Variants in PTPRT observed in about 807,000 individuals in gnomAD.
The protein encoded by PTPRT is receptor-type tyrosine-protein phosphatase T.
A neutral mutation model predicts 176.8 loss-of-function variants in PTPRT; 56 were observed. The observed-to-expected ratio is 0.32, with a 90% CI of 0.26 to 0.40. PTPRT has a LOEUF of 0.40. Among genes scored for constraint, PTPRT ranks in the 10% least tolerant of loss-of-function variants. The pLI is 1.00. For missense variants in PTPRT, 1,540 were observed against 1,908.2 expected, an observed-to-expected ratio of 0.81 and a Z score of 3.60; for synonymous variants, 783 against 739.0, an observed-to-expected ratio of 1.06 and a Z score of -0.96.
At chr20:42,291,447 T>C (rs1360046807) in intron 12 of PTPRT, among the ~76,000 whole-genome samples, 1 of 152,142 alleles carries the variant, frequency 6.6e-6, no homozygotes, top group African/African-American at 2.4e-5. Flanking sequence ...TGTATTTACT[T>C]GGTGAAAAAT....
At chr20:42,167,022 G>T (rs1438532497) in intron 16 of PTPRT, among the ~76,000 whole-genome samples, 1 of 152,120 alleles carries the variant, frequency 6.6e-6, no homozygotes, top group East Asian at 1.9e-4. Context: ...ATAGAATGGG[G>T]TTTGGATCAT....
At chr20:42,795,304 TA>T (rs1208736808) in intron 2 of PTPRT, among the ~76,000 whole-genome samples, 1 of 152,168 alleles carries the variant, frequency 6.6e-6, no homozygotes, top group Non-Finnish European at 1.5e-5. Context: ...TGGCTGGCCA[TA>T]AATTTTGCAT....
chr20:42,803,162 C>T (rs1464145306), intron 2 of PTPRT, among the ~76,000 whole-genome samples: 5 of 152,242 alleles, frequency 3.3e-5, no homozygotes, highest in Non-Finnish European at 7.3e-5. Context: ...AGCCATGGAA[C>T]ATCTCCATGC....
intron 1 of PTPRT, among the ~76,000 whole-genome samples, chr20:43,124,689 C>T (rs562041167): frequency 3.9e-5 from 6 of 152,354 alleles, no homozygotes; most frequent in African/African-American, 1.2e-4. Flanking sequence ...TGAGTGCCTA[C>T]TATGTGCCAG....
chr20:42,958,634 A>G (rs472851), intron 1 of PTPRT, among the ~76,000 whole-genome samples: 16,184 of 151,956 alleles, frequency 0.11, 1,918 homozygotes, highest in African/African-American at 0.29. Context: ...TCCCCTCCAC[A>G]TTGTCCCCTG....
At chr20:42,237,654 C>T (rs1427174159) in intron 14 of PTPRT, among the ~76,000 whole-genome samples, 3 of 152,182 alleles carry the variant, frequency 2.0e-5, no homozygotes, top group Admixed American at 6.5e-5. Flanking sequence ...AATCTCTTTC[C>T]AATGTTCCTA....
chr20:43,068,355 A>G (rs2011139094), intron 1 of PTPRT, among the ~76,000 whole-genome samples: 1 of 151,434 alleles, frequency 6.6e-6, no homozygotes, highest in South Asian at 2.1e-4. Context: ...ACACTAAAAA[A>G]TTAGCCGGGC....
chr20:42,247,294 G>C (rs2056469163), intron 14 of PTPRT, among the ~76,000 whole-genome samples: 1 of 152,208 alleles, frequency 6.6e-6, no homozygotes, highest in Non-Finnish European at 1.5e-5. Flanking sequence ...AGAACCAGGA[G>C]AAAGAGAGAG....
At chr20:42,984,550 C>T (rs916540579) in intron 1 of PTPRT, among the ~76,000 whole-genome samples, 1 of 152,220 alleles carries the variant, frequency 6.6e-6, no homozygotes, top group Non-Finnish European at 1.5e-5. Flanking sequence ...GTTAACTCTG[C>T]AGCTCCCTAC....
chr20:42,777,363 C>G (rs1467407858), intron 4 of PTPRT, among the ~76,000 whole-genome samples: 1 of 152,192 alleles, frequency 6.6e-6, no homozygotes, highest in Non-Finnish European at 1.5e-5. Flanking sequence ...ACCACTATCT[C>G]CTCTGTCTGA....
intron 1 of PTPRT, among the ~76,000 whole-genome samples, chr20:42,991,178 G>A (rs567152316): frequency 6.6e-6 from 1 of 152,100 alleles, no homozygotes; most frequent in African/African-American, 2.4e-5. Context: ...TACATTTATC[G>A]TGTAAAAATG....
At position 42,214,831 on chromosome 20, in the gene PTPRT, G is replaced by T. The variant is rs57156010; in HGVS notation, c.2343-15443C>A. 3.4e-3 allele frequency among the ~76,000 whole-genome samples: 523 copies of T among 152,314 alleles called. 4 individuals carry two copies. The highest frequency in any genetic ancestry group is 0.012 in the African/African-American group (501 of 41,580). ...GCCATACTGGCCCCTGGGCCCTAAA[G>T]CAGAGCCTAGGAATAGCACTGACTT... On this transcript the variant is annotated intron_variant, in intron 15 of 30. Coordinates refer to ENST00000373187, the MANE Select transcript of PTPRT (RefSeq NM_007050.6).
At position 42,080,732 on chromosome 20, in the gene PTPRT, C is replaced by A. The variant is rs1358876257; in HGVS notation, c.*147G>T. On this transcript the variant is annotated 3_prime_UTR_variant, in exon 31 of 31. Coordinates refer to ENST00000373187, the MANE Select transcript of PTPRT (RefSeq NM_007050.6). Reference sequence around the variant, plus strand: ...AGACCCCTCAGAAGGTGCAGAGCCCCCCGTGGAACACAGGGCCACCAGTCT... The same window carrying A: ...AGACCCCTCAGAAGGTGCAGAGCCCACCGTGGAACACAGGGCCACCAGTCT... 4.2e-6 allele frequency: 3 copies of A among 715,570 alleles called. No individual in the cohort carries two copies. The highest frequency in any genetic ancestry group is 3.5e-5 in the African/African-American group (2 of 56,766). The allele number at this position is 715,570 out of a possible 1,614,324, so 44.3% of individuals were successfully genotyped here.
At chr20:42,186,581 C>T (rs1347936011) in intron 16 of PTPRT, among the ~76,000 whole-genome samples, 6 of 151,946 alleles carry the variant, frequency 3.9e-5, no homozygotes. Context: ...TGGGGAAGGT[C>T]AGAAGGACAA....
rs145821597 is a variant in PTPRT, at chr20:42,795,177, T to C, written c.215-3711A>G. 3.7e-3 allele frequency among the ~76,000 whole-genome samples: 448 copies of C among 121,232 alleles called. 5 individuals are homozygous for C. The highest frequency in any genetic ancestry group is 0.011 in the African/African-American group (419 of 38,456). 79.5% of individuals were successfully genotyped at this position (121,232 alleles called of 152,430 possible). Reference sequence around the variant, plus strand: ...AGACTGTAAATACATTCTTTTCCCTTCTCCCTTAAAAAAAAAAAATCTACT... The same window carrying C: ...AGACTGTAAATACATTCTTTTCCCTCCTCCCTTAAAAAAAAAAAATCTACT... On this transcript the variant is annotated intron_variant, in intron 2 of 30. Coordinates refer to ENST00000373187, the MANE Select transcript of PTPRT (RefSeq NM_007050.6).
At chr20:42,905,311 A>T (rs1400527226) in intron 1 of PTPRT, among the ~76,000 whole-genome samples, 1 of 152,236 alleles carries the variant, frequency 6.6e-6, no homozygotes, top group African/African-American at 2.4e-5. Context: ...CAGACACATG[A>T]AAAAATGCTC....
intron 1 of PTPRT, among the ~76,000 whole-genome samples, chr20:42,896,033 T>A (rs565113394): frequency 7.9e-5 from 12 of 152,338 alleles, no homozygotes; most frequent in African/African-American, 2.9e-4. Context: ...CATTGTCTGC[T>A]AGCCCTACGG....
At chr20:42,937,145 A>G (rs1020947828) in intron 1 of PTPRT, among the ~76,000 whole-genome samples, 5 of 152,242 alleles carry the variant, frequency 3.3e-5, no homozygotes, top group African/African-American at 1.2e-4. Context: ...GTCTTGCTAT[A>G]TAGGCACATC....
At chr20:42,409,481 CAAAAAAAAAAAAAAAAAAAAAAAAAA>C (rs58932390) in intron 9 of PTPRT, among the ~76,000 whole-genome samples, 1 of 112,144 alleles carries the variant, frequency 8.9e-6, no homozygotes. Flanking sequence ...GACTCTGTCG[CAAAAAAAAAAAAAAAAAAAAAAAAAA>C]AAAAAAAAAA....
Sources: allele counts gnomAD v4.1 joint callset (sites outside exome capture counted in the v4.1 genomes callset), GRCh38; gene constraint gnomAD v4.1.1; transcripts MANE v1.5; gene names NCBI Gene and HGNC (gene_info 2026-07-23, HGNC 2026-07-21).